EYA2: variants seen among roughly 807,000 people sequenced by gnomAD.
EYA2 encodes the protein EYA transcriptional coactivator and phosphatase 2, also known as protein phosphatase EYA2.
In EYA2, 31 loss-of-function variants were observed where a neutral mutation model predicts 69.2. That is an observed-to-expected ratio of 0.45 (90% CI 0.34 to 0.60). The LOEUF (loss-of-function observed/expected upper bound fraction) is 0.60. Ranked by LOEUF, EYA2 falls within the 20% of genes least tolerant of loss-of-function variation. The probability of loss-of-function intolerance (pLI) is 0.02; values close to 1 mark genes in which losing one functional copy is unlikely to be tolerated. For missense variants in EYA2, 622 were observed against 701.2 expected (o/e 0.89, Z 1.28); for synonymous variants, 257 against 279.4 (o/e 0.92, Z 0.80).
At position 47,028,036 on chromosome 20, in the gene EYA2, G is replaced by T. The variant is rs185665105; in HGVS notation, c.415+11739G>T. On this transcript the variant is annotated intron_variant, in intron 5 of 15. Transcript: ENST00000327619. ...CCTTTGGGAGGTGTTAGGGTTAAAT[G>T]AGGTCATGAGGGTGGGGTCTTCAGA... Among the ~76,000 whole-genome samples, 53 of 152,292 alleles carry T rather than the reference G, an allele frequency of 3.5e-4. No individual in the cohort carries two copies. In the East Asian group the frequency reaches 5.6e-3, roughly 16 times the overall value.
intron 11 of EYA2, 85 bp from the exon 12 acceptor site, chr20:47,172,622 G>A: frequency 6.9e-7 from 1 of 1,453,154 alleles, no homozygotes; most frequent in Non-Finnish European, 9.2e-7. Flanking sequence ...GCCCACCCGT[G>A]GGTCCCACAG....
chr20:46,904,418 A>G (rs192005148), intron 1 of EYA2, among the ~76,000 whole-genome samples: 350 of 152,274 alleles, frequency 2.3e-3, no homozygotes, highest in African/African-American at 8.3e-3. Context: ...ATTACACAAA[A>G]TTAAAATATT....
intron 10 of EYA2, among the ~76,000 whole-genome samples, chr20:47,157,261 G>A (rs971073474): frequency 7.1e-6 from 1 of 141,396 alleles, no homozygotes; most frequent in Admixed American, 8.0e-5. Flanking sequence ...GGCTGAGGCA[G>A]AACAATCACT....
intron 3 of EYA2, 106 bp from the exon 4 acceptor site, chr20:47,004,836 T>C: frequency 2.0e-6 from 3 of 1,467,378 alleles, no homozygotes; most frequent in Non-Finnish European, 2.9e-6. Context: ...GTCTCTGCTC[T>C]GGAAAGAGTA....
Position 47,188,580 on chromosome 20 carries a change from G to A in EYA2, c.*447G>A. ...GGTTTTTTGAACTGGTATGTGGGGT[G>A]GTTCACAGTTCTAATGTAAGCACTC... On this transcript the variant is annotated 3_prime_UTR_variant, in exon 16 of 16. Coordinates refer to ENST00000327619, the MANE Select transcript of EYA2 (RefSeq NM_005244.5). 1 of 424,812 alleles carries A rather than the reference G, an allele frequency of 2.4e-6. No homozygotes were observed. The allele number at this position is 424,812 out of a possible 1,614,324, so 26.3% of individuals were successfully genotyped here. A position where few individuals can be genotyped will look rare whatever the true frequency, so the allele number is the denominator to read the frequency against.
chr20:47,169,086 G>T, intron 10 of EYA2, 53 bp from the exon 11 acceptor site: 1 of 1,561,376 alleles, frequency 6.4e-7, no homozygotes, highest in Admixed American at 1.7e-5. Flanking sequence ...GGCTACATCA[G>T]ATTAACCAGG....
At chr20:46,895,042 G>C (rs1983726615) in intron 1 of EYA2, 55 bp downstream of exon 1, 1 of 152,160 alleles carries the variant, frequency 6.6e-6, no homozygotes, top group East Asian at 1.9e-4. Flanking sequence ...TCGCCGGGCG[G>C]GGGGAGTTGT....
rs115021401 is a variant in EYA2, at chr20:47,077,470, C to T, written c.661+3135C>T. 3.2e-3 allele frequency among the ~76,000 whole-genome samples: 495 copies of T among 152,322 alleles called. 5 individuals carry two copies. The highest frequency in any genetic ancestry group is 0.011 in the African/African-American group (474 of 41,580). On this transcript the variant is annotated intron_variant, in intron 7 of 15. Coordinates refer to ENST00000327619, the MANE Select transcript of EYA2 (RefSeq NM_005244.5). ...TCTGAAACCTACTGATGCTGTAGGG[C>T]TTTGCAGAAGCTAAGCTAGCACGAT...
chr20:46,940,548 C>T (rs912787485), intron 1 of EYA2, among the ~76,000 whole-genome samples: 1 of 152,220 alleles, frequency 6.6e-6, no homozygotes, highest in Non-Finnish European at 1.5e-5. Context: ...ATCTATGCCA[C>T]AGATACAAAA....
At chr20:47,127,233 T>A (rs1368825425) in intron 9 of EYA2, among the ~76,000 whole-genome samples, 1 of 152,208 alleles carries the variant, frequency 6.6e-6, no homozygotes, top group Non-Finnish European at 1.5e-5. Context: ...GATGAAATTG[T>A]TAGTACAAGA....
intron 4 of EYA2, among the ~76,000 whole-genome samples, chr20:47,011,917 G>A (rs1433757194): frequency 6.6e-6 from 1 of 152,234 alleles, no homozygotes; most frequent in Non-Finnish European, 1.5e-5. Flanking sequence ...GTGCCGCTGA[G>A]TGTGCCAGGG....
intron 12 of EYA2, among the ~76,000 whole-genome samples, chr20:47,174,694 C>T (rs1295394308): frequency 6.6e-6 from 1 of 152,246 alleles, no homozygotes; most frequent in East Asian, 1.9e-4. Context: ...CATGGACTAG[C>T]TCCTTCACTC....
chr20:46,907,865 A>AACAAAC (rs1434995442), intron 1 of EYA2, among the ~76,000 whole-genome samples: 1 of 148,616 alleles, frequency 6.7e-6, no homozygotes, highest in Non-Finnish European at 1.5e-5. Context: ...CAAACAAACA[A>AACAAAC]AGTGTGCCTG....
At chr20:47,047,994 C>T (rs892881429) in intron 5 of EYA2, among the ~76,000 whole-genome samples, 2 of 150,454 alleles carry the variant, frequency 1.3e-5, no homozygotes, top group Non-Finnish European at 3.0e-5. Flanking sequence ...CTTAGTAAGA[C>T]AATTGTGATT....
rs56834738 is a variant in EYA2, at chr20:46,908,870, C to CTTTTTTTTTT, written c.-11+13911_-11+13920dup. 7.6e-4 allele frequency among the ~76,000 whole-genome samples: 36 copies of CTTTTTTTTTT among 47,582 alleles called. 11 individuals are homozygous for CTTTTTTTTTT. Among genetic ancestry groups the CTTTTTTTTTT allele is most frequent in the African/African-American group, 2.5e-3 (29 of 11,476 alleles). The allele number at this position is 47,582 out of a possible 152,430, so 31.2% of individuals were successfully genotyped here. A position where few individuals can be genotyped will look rare whatever the true frequency, so the allele number is the denominator to read the frequency against. The stretch of plus-strand genomic sequence containing the variant: ...AAAGGCACTAAGCCTCTCTCCCGCA[C>CTTTTTTTTTT]TTTTTTTTTTTTTTTTTTTTTTTTT... On this transcript the variant is annotated intron_variant, in intron 1 of 15. Transcript: ENST00000327619.
At chr20:46,909,357 G>A (rs6018157) in intron 1 of EYA2, among the ~76,000 whole-genome samples, 1 of 152,110 alleles carries the variant, frequency 6.6e-6, no homozygotes, top group Non-Finnish European at 1.5e-5. Context: ...TGGGGGTGCA[G>A]GTGGGAGGCA....
intron 10 of EYA2, among the ~76,000 whole-genome samples, chr20:47,166,119 GC>G (rs1469034187): frequency 6.6e-6 from 1 of 151,806 alleles, no homozygotes; most frequent in Non-Finnish European, 1.5e-5. Flanking sequence ...AAGCCTTTTG[GC>G]CAGGCACGGT....
rs2034345644 is a variant in EYA2 at position 47,172,689 on chromosome 20, C to T, written c.1038-18C>T. 2 of 1,597,180 alleles carry T rather than the reference C, an allele frequency of 1.3e-6. No homozygotes were observed. The highest frequency in any genetic ancestry group is 1.7e-6 in the Non-Finnish European group (2 of 1,171,364). ...ACCCCCCTGCACTAACACTGTCCCT[C>T]CCCTCCTCTCTCCGCAGCACATACA... On this transcript the variant is annotated intron_variant, in intron 11 of 15. Transcript: ENST00000327619.
intron 1 of EYA2, among the ~76,000 whole-genome samples, chr20:46,908,896 TTTTTTTTTTTTA>T (rs1984501603): frequency 1.5e-5 from 2 of 135,404 alleles, no homozygotes; most frequent in African/African-American, 3.1e-5. Context: ...TTTTTTTTTT[TTTTTTTTTTTTA>T]CCAATTCCTG....
Sources: allele counts gnomAD v4.1 joint callset (sites outside exome capture counted in the v4.1 genomes callset), GRCh38; gene constraint gnomAD v4.1.1; transcripts MANE v1.5; gene names NCBI Gene and HGNC (gene_info 2026-07-23, HGNC 2026-07-21).